The following USP53 variants were observed in gnomAD, a reference collection of about 807,000 sequenced individuals.
The protein encoded by USP53 is ubiquitin specific peptidase 53, also known as ubiquitin carboxyl-terminal hydrolase 53.
In USP53, 71 loss-of-function variants were observed where a neutral mutation model predicts 94.9. That is an observed-to-expected ratio of 0.75 (90% CI 0.62 to 0.91). The LOEUF is 0.91. USP53 is among the 40% of genes least tolerant of loss of function. The pLI is 0.00. For missense variants in USP53, 1,173 were observed against 1,281.0 expected (o/e 0.92, Z 1.29); for synonymous variants, 375 against 422.7 (o/e 0.89, Z 1.39).
At chr4:119,279,098 G>C (rs1164654879) in intron 17 of USP53, among the ~76,000 whole-genome samples, 1 of 147,952 alleles carries the variant, frequency 6.8e-6, no homozygotes, top group Non-Finnish European at 1.5e-5. Flanking sequence ...TCTTCTCTCA[G>C]CTCGTCAAAG....
intron 3 of USP53, among the ~76,000 whole-genome samples, chr4:119,234,893 A>G (rs1746527949): frequency 6.6e-6 from 1 of 152,186 alleles, no homozygotes; most frequent in Admixed American, 6.5e-5. Flanking sequence ...TCCGCATCCC[A>G]CAAACACTGT....
At position 119,263,029 on chromosome 4, in the gene USP53, G is replaced by T. The variant is rs568913775; in HGVS notation, c.972+1165G>T. Among the ~76,000 whole-genome samples, 5 of 152,152 alleles carry T rather than the reference G, an allele frequency of 3.3e-5. No individual in the cohort carries two copies. In the South Asian group the frequency reaches 1.0e-3, roughly 32 times the overall value. On this transcript the variant is annotated intron_variant, in intron 12 of 18. Transcript: ENST00000692078. ...ACTCATTTAAAAATACAAGTTCTTT[G>T]GTTGTTATAAGCAAATGATGTAGAA...
In USP53 at chr4:119,291,239, A is replaced by G. The variant is rs1262902299; in HGVS notation, c.2326A>G (p.Ile776Val). ...ATTCCACCCAGAATCACATTTACAAATAAAAAATCATTTGATAAAAAGGTA... is the reference window on the plus strand; with the variant it reads ...ATTCCACCCAGAATCACATTTACAAGTAAAAAATCATTTGATAAAAAGGTA... The part of the protein sequence containing the change: ...HEFHPESHLQ[I>V]KNHLIKRSHV... Residue 776 changes from isoleucine to valine, a missense_variant, in exon 18 of 19, where the codon ATA (isoleucine) becomes GTA (valine). Ile to Val is a conservative substitution (Grantham distance 29). Transcript: ENST00000692078. 3.1e-6 allele frequency: 5 copies of G among 1,593,618 alleles called. No individual in the cohort carries two copies. The East Asian group carries it at 9.1e-5, about 29-fold the overall frequency.
rs1474056167 is a variant in USP53, at chr4:119,271,553, G to C, written c.1693G>C (p.Asp565His). Residue 565 changes from aspartate to histidine, a missense_variant, in exon 16 of 19, where the codon GAT becomes CAT. Coordinates refer to ENST00000692078, the MANE Select transcript of USP53 (RefSeq NM_001371395.1). ...TGGATATGACACAGACAGCAGCCAAGATTCTAGGGATAGAGGAAACAGCTG... is the reference window on the plus strand; with the variant it reads ...TGGATATGACACAGACAGCAGCCAACATTCTAGGGATAGAGGAAACAGCTG... ...GTGYDTDSSQ[D>H]SRDRGNSCDS... The C allele has an allele frequency of 1.9e-6, 3 of 1,613,674 alleles. No individual in the cohort carries two copies. The African/African-American group carries it at 4.0e-5, about 22-fold the overall frequency.
chr4:119,294,532 T>C lies in USP53; in HGVS notation c.*1321T>C, dbSNP rs1755085989. 1 of 152,142 alleles carries C rather than the reference T, an allele frequency of 6.6e-6. No homozygotes were observed. The highest frequency in any genetic ancestry group is 2.1e-4 in the South Asian group (1 of 4,836). The allele number at this position is 152,142 out of a possible 1,614,324, so 9.4% of individuals were successfully genotyped here. On this transcript the variant is annotated 3_prime_UTR_variant, in exon 19 of 19. Coordinates refer to ENST00000692078, the MANE Select transcript of USP53 (RefSeq NM_001371395.1). ...CTGGTAAACTAATTGTGGTTTAGAA[T>C]AGTTTTATGTTCACTCCTGATAACT... is the stretch of plus-strand genomic sequence containing the variant.
intron 17 of USP53, among the ~76,000 whole-genome samples, chr4:119,275,742 C>T (rs922441814): frequency 6.6e-6 from 1 of 152,098 alleles, no homozygotes; most frequent in Non-Finnish European, 1.5e-5. Context: ...ATGGAATGTT[C>T]TTTCATTTGT....
rs535438483 is a variant in USP53, at chr4:119,271,378, T to C, written c.1518T>C (p.His506=). ...PNGFKQHGNP[H]LYHSQGKGSY... ...GTTTTAAACAACATGGGAATCCACA[T>C]CTATATCATAGTCAAGGAAAAGGAT... is the stretch of plus-strand genomic sequence containing the variant. Residue 506 remains histidine, a synonymous_variant, in exon 16 of 19, where the codon CAT becomes CAC. Transcript: ENST00000692078. The C allele has an allele frequency of 6.2e-7, 1 of 1,613,212 alleles. No homozygotes were observed. Among genetic ancestry groups the C allele is most frequent in the East Asian group, 2.2e-5 (1 of 44,872 alleles).
chr4:119,257,311 G>T (rs1388529017), intron 9 of USP53, among the ~76,000 whole-genome samples: 2 of 152,008 alleles, frequency 1.3e-5, no homozygotes, highest in Non-Finnish European at 2.9e-5. Context: ...TGTGGTGGCG[G>T]GCACCTGTAA....
rs1746582533 is a variant in USP53 at position 119,235,293 on chromosome 4, C to T, written c.-661C>T. 6.6e-6 allele frequency: 1 copy of T among 152,334 alleles called. No individual in the cohort carries two copies. The highest frequency in any genetic ancestry group is 3.4e-3 in the Middle Eastern group (1 of 294). 9.4% of individuals were successfully genotyped at this position (152,334 alleles called of 1,614,324 possible). ...TGTTGTTGTTGTTTGTTTTTAGAGA[C>T]AGCATCTTGCTGCCACCCAGGCTGG... On this transcript the variant is annotated 5_prime_UTR_variant, in exon 4 of 19. Coordinates refer to ENST00000692078, the MANE Select transcript of USP53 (RefSeq NM_001371395.1).
intron 12 of USP53, chr4:119,266,369 A>G (rs558672546): frequency 1.2e-4 from 54 of 456,088 alleles, no homozygotes; most frequent in Admixed American, 1.1e-3. Flanking sequence ...AAACTGTCAA[A>G]TTGATTTCCA....
chr4:119,237,610 A>G (rs557520167), intron 4 of USP53, among the ~76,000 whole-genome samples: 10 of 151,850 alleles, frequency 6.6e-5, no homozygotes, highest in Non-Finnish European at 1.5e-4. Context: ...CCAGGCATTG[A>G]CTTCTTTCTG....
At chr4:119,237,011 A>G (rs1157220477) in intron 4 of USP53, among the ~76,000 whole-genome samples, 1 of 152,200 alleles carries the variant, frequency 6.6e-6, no homozygotes, top group Admixed American at 6.5e-5. Flanking sequence ...TTAAAGTCAA[A>G]ATTACTCCTT....
In USP53 at chr4:119,239,802, G is replaced by A. The variant is rs1237866762; in HGVS notation, c.43G>A (p.Gly15Arg). 6.2e-7 allele frequency: 1 copy of A among 1,611,960 alleles called. No homozygotes were observed. Among genetic ancestry groups the A allele is most frequent in the Non-Finnish European group, 8.5e-7 (1 of 1,179,224 alleles). Reference protein sequence around the residue: ...KFLRKPGGNLGKVYQPGSMLS... With the variant: ...KFLRKPGGNLRKVYQPGSMLS... ...CTTACGGAAACCTGGTGGCAATCTT[G>A]GAAAAGTTTATCAGCCTGGAAGTAT... Residue 15 changes from glycine (G) to arginine (R), a missense_variant, in exon 5 of 19, where the codon GGA (glycine) becomes AGA (arginine). Coordinates refer to ENST00000692078, the MANE Select transcript of USP53 (RefSeq NM_001371395.1).
intron 10 of USP53, 126 bp from the exon 11 acceptor site, chr4:119,260,381 G>A: frequency 1.5e-6 from 1 of 672,434 alleles, no homozygotes; most frequent in Non-Finnish European, 2.2e-6. Flanking sequence ...CTTGTTAGAA[G>A]TCAATTTTTA....
chr4:119,260,947 TCTC>T (rs1239767703), intron 11 of USP53, among the ~76,000 whole-genome samples: 2 of 121,056 alleles, frequency 1.7e-5, no homozygotes, highest in Non-Finnish European at 1.6e-5. Context: ...CACTGATCTC[TCTC>T]TTTTTTTTTT....
chr4:119,229,138 G>A (rs536725949), intron 3 of USP53, among the ~76,000 whole-genome samples: 4 of 152,152 alleles, frequency 2.6e-5, no homozygotes, highest in Admixed American at 6.5e-5. Context: ...TAGCAATTGC[G>A]TGCAACATAG....
intron 3 of USP53, among the ~76,000 whole-genome samples, chr4:119,222,888 C>T (rs1744739113): frequency 1.3e-5 from 2 of 148,320 alleles, no homozygotes; most frequent in South Asian, 4.3e-4. Flanking sequence ...AAATATATTC[C>T]CACTATTTTT....
At chr4:119,216,226 C>T (rs925754796) in intron 2 of USP53, among the ~76,000 whole-genome samples, 4 of 151,930 alleles carry the variant, frequency 2.6e-5, no homozygotes, top group African/African-American at 4.8e-5. Context: ...CTAAAAAATA[C>T]AAAAATTAGC....
chr4:119,264,251 G>T (rs1436695842), intron 12 of USP53, among the ~76,000 whole-genome samples: 1 of 152,054 alleles, frequency 6.6e-6, no homozygotes, highest in African/African-American at 2.4e-5. Context: ...AATAAAAACA[G>T]ACCAGAAATG....
Sources: gnomAD v4.1 joint callset for allele counts (sites outside exome capture counted in the v4.1 genomes callset) on GRCh38, gnomAD v4.1.1 for gene constraint, MANE v1.5 for transcripts, NCBI Gene and HGNC (gene_info 2026-07-23, HGNC 2026-07-21) for gene names.